The following SAMD8 variants were observed in gnomAD, a reference collection of about 807,000 sequenced individuals.
SAMD8 encodes the protein sterile alpha motif domain containing 8, also known as sphingomyelin synthase-related protein 1.
In SAMD8, 20 loss-of-function variants were observed where a neutral mutation model predicts 42.0. The ratio of observed to expected loss-of-function variants is 0.48; its 90% CI spans 0.34 to 0.69. SAMD8 has a LOEUF of 0.69. Among genes scored for constraint, SAMD8 ranks in the 30% least tolerant of loss-of-function variants. SAMD8 has a pLI of 0.01. For missense variants in SAMD8, 328 were observed against 511.6 expected, an observed-to-expected ratio of 0.64 and a Z score of 3.46; for synonymous variants, 162 against 173.0, an observed-to-expected ratio of 0.94 and a Z score of 0.50.
Position 75,146,654 on chromosome 10 carries a change from C to G in SAMD8, c.-15-3860C>G, listed in dbSNP as rs200418826. On this transcript the variant is annotated intron_variant, in intron 1 of 5. Coordinates refer to ENST00000542569, the MANE Select transcript of SAMD8 (RefSeq NM_001174156.2). Reference sequence around the variant, plus strand: ...TTCAGGTCAGAGGATAAATCTGGTTCTTGTTAGTAAATCTTGGTCAGAAGC... The same window carrying G: ...TTCAGGTCAGAGGATAAATCTGGTTGTTGTTAGTAAATCTTGGTCAGAAGC... Among the ~76,000 whole-genome samples, 3 of 152,134 alleles carry G rather than the reference C, an allele frequency of 2.0e-5. No homozygotes were observed. The East Asian group carries it at 5.8e-4, about 29-fold the overall frequency.
chr10:75,110,686 CAGCATGGTGGAGTG>C (rs910943652), upstream of SAMD8, among the ~76,000 whole-genome samples: 3 of 152,140 alleles, frequency 2.0e-5, no homozygotes, highest in African/African-American at 7.2e-5. Flanking sequence ...CAGGGTGGTG[CAGCATGGTGGAGTG>C]AGGAAAATAC....
chr10:75,143,112 G>A (rs1440448113), intron 1 of SAMD8, among the ~76,000 whole-genome samples: 1 of 152,298 alleles, frequency 6.6e-6, no homozygotes, highest in Admixed American at 6.5e-5. Context: ...ATCAAGACCA[G>A]CCTGGCCAAC....
intron 1 of SAMD8, 113 bp from the exon 2 acceptor site, chr10:75,150,401 G>C: frequency 6.9e-7 from 1 of 1,457,180 alleles, no homozygotes; most frequent in East Asian, 2.5e-5. Context: ...GGGATTGTAG[G>C]CATGAGCCAC....
At chr10:75,150,342 G>A (rs533508000) in intron 1 of SAMD8, 172 bp from the exon 2 acceptor site, 108 of 561,200 alleles carry the variant, frequency 1.9e-4, no homozygotes, top group Admixed American at 1.8e-3. Context: ...GACTGGTCTC[G>A]AACTCCTGGG....
At chr10:75,119,398 C>G (rs1489610447) in intron 1 of SAMD8, among the ~76,000 whole-genome samples, 1 of 152,108 alleles carries the variant, frequency 6.6e-6, no homozygotes, top group African/African-American at 2.4e-5. Context: ...CTCAGGTGAC[C>G]TGCCCGCCTT....
intron 2 of SAMD8, among the ~76,000 whole-genome samples, chr10:75,153,569 G>A (rs938745145): frequency 2.6e-5 from 4 of 151,384 alleles, no homozygotes; most frequent in South Asian, 2.1e-4. Context: ...AGCCGAGATC[G>A]CGCCATCGCA....
At chr10:75,118,171 T>C (rs951297939) in intron 1 of SAMD8, among the ~76,000 whole-genome samples, 1 of 152,206 alleles carries the variant, frequency 6.6e-6, no homozygotes, top group Non-Finnish European at 1.5e-5. Context: ...GGGAATTTAA[T>C]TCTTTTAAAG....
chr10:75,109,065 C>T (rs527267800), upstream of SAMD8: 1 of 1,612,444 alleles, frequency 6.2e-7, no homozygotes, highest in African/African-American at 1.3e-5. Flanking sequence ...AAGAAGACTT[C>T]CCTGCCCGCA....
intron 3 of SAMD8, 63 bp downstream of exon 3, chr10:75,164,803 C>T: frequency 8.6e-7 from 1 of 1,162,438 alleles, no homozygotes; most frequent in East Asian, 2.3e-5. Flanking sequence ...ATCATAAAAT[C>T]TTAACCTTTC....
rs1054666038 is a variant in SAMD8 at position 75,168,735 on chromosome 10, G to T, written c.792+77G>T. On this transcript the variant is annotated intron_variant, in intron 4 of 5. Transcript: ENST00000542569. Reference sequence around the variant, plus strand: ...CTATATGCAATAGGGCTAAGATTTTGCTTATAGTATTAAAATGTGCTTTTT... The same window carrying T: ...CTATATGCAATAGGGCTAAGATTTTTCTTATAGTATTAAAATGTGCTTTTT... 3.4e-6 allele frequency: 3 copies of T among 880,236 alleles called. No homozygotes were observed. The Admixed American group carries it at 5.6e-5, about 16-fold the overall frequency. The allele number at this position is 880,236 out of a possible 1,614,324, so 54.5% of individuals were successfully genotyped here.
intron 2 of SAMD8, among the ~76,000 whole-genome samples, chr10:75,154,103 T>G (rs1840357666): frequency 6.6e-6 from 1 of 152,138 alleles, no homozygotes; most frequent in African/African-American, 2.4e-5. Flanking sequence ...GTTTTTTAAG[T>G]AAGCCCACAG....
chr10:75,150,771 T>A lies in SAMD8; in HGVS notation c.243T>A (p.Asp81Glu), dbSNP rs150060591. 4.9e-3 allele frequency: 7,936 copies of A among 1,614,178 alleles called. 33 individuals are homozygous for A. Among genetic ancestry groups the A allele is most frequent in the Non-Finnish European group, 5.1e-3 (6,059 of 1,180,016 alleles). ...SVRKLQKIHI[D>E]VLEEMGYNSD... Reference sequence around the variant, plus strand: ...GAAAATTGCAGAAAATACATATTGATGTTTTAGAAGAGATGGGCTACAACA... The same window carrying A: ...GAAAATTGCAGAAAATACATATTGAAGTTTTAGAAGAGATGGGCTACAACA... Residue 81 changes from aspartate to glutamate, a missense_variant, in exon 2 of 6, where the codon GAT becomes GAA. Coordinates refer to ENST00000542569, the MANE Select transcript of SAMD8 (RefSeq NM_001174156.2).
intron 1 of SAMD8, among the ~76,000 whole-genome samples, chr10:75,122,133 TATTAC>T (rs1409495237): frequency 2.6e-5 from 4 of 152,358 alleles, no homozygotes; most frequent in Admixed American, 1.3e-4. Flanking sequence ...TGATTATAAG[TATTAC>T]ATTCTTATTG....
At chr10:75,139,073 G>A (rs764629501) in intron 1 of SAMD8, among the ~76,000 whole-genome samples, 1 of 148,188 alleles carries the variant, frequency 6.7e-6, no homozygotes, top group African/African-American at 2.5e-5. Flanking sequence ...CAATTCTCCC[G>A]CCTCAGCCTC....
At chr10:75,110,514 T>G (rs552516110), upstream of SAMD8, among the ~76,000 whole-genome samples, 1 of 152,176 alleles carries the variant, frequency 6.6e-6, no homozygotes, top group South Asian at 2.1e-4. Context: ...GGGCATCCCA[T>G]GGAAGCAGTC....
chr10:75,111,657 G>A lies in SAMD8; in HGVS notation c.-81G>A. On this transcript the variant is annotated 5_prime_UTR_variant, in exon 1 of 6. Transcript: ENST00000542569. ...CTCCGGCGAGGCGGGGAGGGCCCCG[G>A]ACTCCGACGGCGGCTCGGACGCCGA... is the stretch of plus-strand genomic sequence containing the variant. 1 of 1,241,170 alleles carries A rather than the reference G, an allele frequency of 8.1e-7. No individual in the cohort carries two copies. The highest frequency in any genetic ancestry group is 1.0e-6 in the Non-Finnish European group (1 of 993,080). 76.9% of individuals were successfully genotyped at this position (1,241,170 alleles called of 1,614,324 possible).
chr10:75,133,281 T>C (rs999176436), intron 1 of SAMD8, among the ~76,000 whole-genome samples: 15 of 152,208 alleles, frequency 9.9e-5, no homozygotes, highest in East Asian at 5.8e-4. Context: ...TGCGTGCCTA[T>C]AGCCCCAGCT....
chr10:75,119,179 C>CTTTTTTT, intron 1 of SAMD8, among the ~76,000 whole-genome samples: 1 of 150,486 alleles, frequency 6.6e-6, no homozygotes, highest in Non-Finnish European at 1.5e-5. Flanking sequence ...TAATTTGAGA[C>CTTTTTTT]GGAGTTTCGC....
intron 1 of SAMD8, among the ~76,000 whole-genome samples, chr10:75,149,938 G>A (rs1840242258): frequency 6.6e-6 from 1 of 152,046 alleles, no homozygotes; most frequent in East Asian, 1.9e-4. Context: ...TTATTAGTGT[G>A]TTAATCTATT....
Sources: allele counts gnomAD v4.1 joint callset (sites outside exome capture counted in the v4.1 genomes callset), GRCh38; gene constraint gnomAD v4.1.1; transcripts MANE v1.5; gene names NCBI Gene and HGNC (gene_info 2026-07-23, HGNC 2026-07-21).